Variants in FAM13A observed in about 807,000 individuals in gnomAD.
FAM13A encodes family with sequence similarity 13 member A, also known as protein FAM13A.
FAM13A carries 76 observed loss-of-function variants against 129.6 expected under a neutral mutation model. The ratio of observed to expected loss-of-function variants is 0.59; its 90% CI spans 0.49 to 0.71. The LOEUF is 0.71. FAM13A is among the 30% of genes least tolerant of loss of function. The pLI, the probability that FAM13A is intolerant of heterozygous loss-of-function variation, is 0.00. For synonymous variants in FAM13A, 443 were observed against 449.9 expected (o/e 0.98, Z 0.20); for missense variants, 1,108 against 1,249.3 (o/e 0.89, Z 1.70).
Position 89,027,366 on chromosome 4 carries a change from G to C in FAM13A, c.217+2094C>G, listed in dbSNP as rs567659771. 1.4e-3 allele frequency among the ~76,000 whole-genome samples: 217 copies of C among 152,186 alleles called. 2 individuals carry two copies. The highest frequency in any genetic ancestry group is 5.1e-3 in the African/African-American group (210 of 41,540). On this transcript the variant is annotated intron_variant, in intron 2 of 23. Coordinates refer to ENST00000264344, the MANE Select transcript of FAM13A (RefSeq NM_014883.4). ...TAAAAAAATTTTTTTTAATTAGCAG[G>C]TTACAGTGCCACATGCCTGTATAAT...
chr4:88,938,035 ATCT>A, intron 5 of FAM13A, 50 bp downstream of exon 5: 1 of 1,385,070 alleles, frequency 7.2e-7, no homozygotes, highest in Non-Finnish European at 1.0e-6. Context: ...ATTAAATAAA[ATCT>A]TCTGTCCAAA....
intron 19 of FAM13A, 86 bp from the exon 20 acceptor site, chr4:88,739,211 C>G: frequency 1.2e-6 from 1 of 848,450 alleles, no homozygotes; most frequent in East Asian, 2.4e-5. Flanking sequence ...CTTTGTAATT[C>G]TAGAGAAACT....
intron 5 of FAM13A, among the ~76,000 whole-genome samples, chr4:88,923,761 G>A (rs983143497): frequency 2.0e-5 from 3 of 152,002 alleles, no homozygotes; most frequent in African/African-American, 7.2e-5. Flanking sequence ...GGAAGTCAAA[G>A]TGTCCCTGTT....
intron 7 of FAM13A, among the ~76,000 whole-genome samples, chr4:88,828,783 C>G (rs990774083): frequency 6.6e-6 from 1 of 152,114 alleles, no homozygotes. Context: ...CATGTAGGTT[C>G]AAATGAAAAA....
At chr4:88,847,700 C>T (rs547505685) in intron 7 of FAM13A, among the ~76,000 whole-genome samples, 26 of 152,216 alleles carry the variant, frequency 1.7e-4, no homozygotes, top group South Asian at 8.3e-4. Flanking sequence ...TTTGGGAGGC[C>T]GAGGCGGGTG....
At chr4:88,874,719 G>A (rs1018389684) in intron 6 of FAM13A, among the ~76,000 whole-genome samples, 1 of 152,126 alleles carries the variant, frequency 6.6e-6, no homozygotes, top group Non-Finnish European at 1.5e-5. Context: ...TACCGCCCAA[G>A]GTAATTTATA....
chr4:88,930,544 A>G (rs1421838754), intron 5 of FAM13A, among the ~76,000 whole-genome samples: 1 of 152,114 alleles, frequency 6.6e-6, no homozygotes, highest in African/African-American at 2.4e-5. Context: ...TTGGACATCA[A>G]CTAAGCCAGT....
chr4:89,000,631 T>C (rs1764133646), intron 3 of FAM13A, among the ~76,000 whole-genome samples: 1 of 152,144 alleles, frequency 6.6e-6, no homozygotes, highest in Non-Finnish European at 1.5e-5. Flanking sequence ...TGTGAATAGA[T>C]CAAAAACCAC....
chr4:88,812,131 CAGCCTCCAGAACTG>C (rs1188561330), intron 7 of FAM13A, among the ~76,000 whole-genome samples: 1 of 152,118 alleles, frequency 6.6e-6, no homozygotes, highest in Non-Finnish European at 1.5e-5. Context: ...TTGGACTTCC[CAGCCTCCAGAACTG>C]TAAGAAATAA....
chr4:88,732,106 G>T lies in FAM13A; in HGVS notation c.2739C>A (p.Asp913Glu). The change falls in exon 22 of 24, where the codon GAC (aspartate) becomes GAA (glutamate). Residue 913 changes from aspartate to glutamate, a missense_variant. This residue lies in a region of FAM13A where 529 missense variants were observed against 621.2 expected (regional missense o/e 0.85). Transcript: ENST00000264344. ...KTDFSARCFLDQFEDDADGFI... is the reference protein window; with the variant it reads ...KTDFSARCFLEQFEDDADGFI... ...ATCCATCAGCGTCATCTTCGAATTGGTCCAGAAAGCATCGTGCACTGAAAT... is the reference window on the plus strand; with the variant it reads ...ATCCATCAGCGTCATCTTCGAATTGTTCCAGAAAGCATCGTGCACTGAAAT... 6.2e-7 allele frequency: 1 copy of T among 1,613,586 alleles called. No homozygotes were observed. The highest frequency in any genetic ancestry group is 8.5e-7 in the Non-Finnish European group (1 of 1,179,802).
chr4:88,939,668 T>G (rs7660385), intron 4 of FAM13A, among the ~76,000 whole-genome samples: 22 of 152,086 alleles, frequency 1.4e-4, no homozygotes, highest in Admixed American at 1.4e-3. Flanking sequence ...TTGGCAAAGG[T>G]GATAGGATGT....
intron 5 of FAM13A, among the ~76,000 whole-genome samples, chr4:88,908,141 T>A (rs565876604): frequency 6.6e-6 from 1 of 152,324 alleles, no homozygotes; most frequent in South Asian, 2.1e-4. Flanking sequence ...CAGAGATCCC[T>A]AAATAAGTGT....
At chr4:88,868,176 G>T (rs931404984) in intron 6 of FAM13A, among the ~76,000 whole-genome samples, 4 of 152,074 alleles carry the variant, frequency 2.6e-5, no homozygotes, top group Admixed American at 6.6e-5. Flanking sequence ...ACTCTATAAT[G>T]AATACCCAAA....
intron 6 of FAM13A, among the ~76,000 whole-genome samples, chr4:88,866,421 C>T (rs1031138346): frequency 6.6e-6 from 1 of 152,286 alleles, no homozygotes; most frequent in African/African-American, 2.4e-5. Context: ...ACCTCAAGTT[C>T]AGCCTGCCTT....
chr4:88,896,428 GA>G (rs1003864215), intron 6 of FAM13A, among the ~76,000 whole-genome samples: 34 of 150,394 alleles, frequency 2.3e-4, no homozygotes, highest in African/African-American at 3.9e-4. Flanking sequence ...AATAATAAAA[GA>G]AAAAAAAATT....
At chr4:88,767,831 A>G (rs1745988438) in intron 12 of FAM13A, 152 bp downstream of exon 12, 1 of 632,220 alleles carries the variant, frequency 1.6e-6, no homozygotes, top group African/African-American at 1.8e-5. Context: ...TAGATTTTCT[A>G]TTCTAAGCAT....
intron 4 of FAM13A, among the ~76,000 whole-genome samples, chr4:88,986,563 C>T (rs1260172275): frequency 1.3e-5 from 2 of 152,230 alleles, no homozygotes; most frequent in African/African-American, 4.8e-5. Context: ...TGCCAAATGG[C>T]GAAGACAACC....
At chr4:88,789,592 T>C (rs1038970737) in intron 9 of FAM13A, among the ~76,000 whole-genome samples, 2 of 152,158 alleles carry the variant, frequency 1.3e-5, no homozygotes, top group Non-Finnish European at 1.5e-5. Context: ...GTGCCTAATA[T>C]ATGCCAGGAA....
chr4:88,968,771 T>C (rs1289755356), intron 4 of FAM13A, among the ~76,000 whole-genome samples: 3 of 152,128 alleles, frequency 2.0e-5, no homozygotes, highest in African/African-American at 7.2e-5. Context: ...GCTTAAATCA[T>C]TGCCTGAATT....
Sources: gnomAD v4.1 joint callset for allele counts (sites outside exome capture counted in the v4.1 genomes callset) on GRCh38, gnomAD v4.1.1 for gene constraint, gnomAD v4.1.1 regional missense constraint, MANE v1.5 for transcripts, NCBI Gene and HGNC (gene_info 2026-07-23, HGNC 2026-07-21) for gene names.